SREK1: variants seen among roughly 807,000 people sequenced by gnomAD.
SREK1 encodes splicing regulatory glutamine/lysine-rich protein 1.
SREK1 carries 13 observed loss-of-function variants against 66.5 expected under a neutral mutation model. That is an observed-to-expected ratio of 0.20 (90% CI 0.13 to 0.31). The LOEUF is 0.31. Among genes scored for constraint, SREK1 ranks in the 10% least tolerant of loss-of-function variants. The pLI is 1.00. For missense variants in SREK1, 607 were observed against 769.6 expected (o/e 0.79, Z 2.50); for synonymous variants, 265 against 263.5 (o/e 1.01, Z -0.05).
chr5:66,152,087 C>T (rs1046287887), intron 1 of SREK1, among the ~76,000 whole-genome samples: 17 of 152,090 alleles, frequency 1.1e-4, no homozygotes, highest in East Asian at 1.9e-4. Flanking sequence ...CCTCGTGATC[C>T]GCCCGCCTTC....
intron 5 of SREK1, chr5:66,162,858 G>T: frequency 3.6e-6 from 1 of 275,028 alleles, no homozygotes; most frequent in Non-Finnish European, 6.7e-6. Context: ...AACGGTTGTA[G>T]GTCTTTTTCC....
chr5:66,162,972 AT>A (rs1307515938), intron 5 of SREK1: 1 of 156,738 alleles, frequency 6.4e-6, no homozygotes, highest in Admixed American at 6.5e-5. Flanking sequence ...ACTGTGGTAA[AT>A]TCAAAATCTA....
chr5:66,164,423 C>T, intron 6 of SREK1: 2 of 481,496 alleles, frequency 4.2e-6, no homozygotes, highest in Non-Finnish European at 6.9e-6. Flanking sequence ...AGGTGGTTTA[C>T]ATTTGAGCAG....
At position 66,178,936 on chromosome 5, in the gene SREK1, A is replaced by G; in HGVS notation, c.*68A>G. Reference sequence around the variant, plus strand: ...CAAAGCTTTTAATTCTCTCAACAAGATGTAAACAGGAAAGAAATCTAGTTG... The same window carrying G: ...CAAAGCTTTTAATTCTCTCAACAAGGTGTAAACAGGAAAGAAATCTAGTTG... On this transcript the variant is annotated 3_prime_UTR_variant, in exon 12 of 12. Transcript: ENST00000334121. 2.0e-5 allele frequency: 28 copies of G among 1,425,882 alleles called. No individual in the cohort carries two copies. In the South Asian group the frequency reaches 3.6e-4, roughly 18 times the overall value. The allele number at this position is 1,425,882 out of a possible 1,614,324, so 88.3% of individuals were successfully genotyped here.
At chr5:66,149,471 C>T (rs73109306) in intron 1 of SREK1, among the ~76,000 whole-genome samples, 1,798 of 152,312 alleles carry the variant, frequency 0.012, 36 homozygotes, top group African/African-American at 0.041. Flanking sequence ...AACCAGTTCC[C>T]AGGCTTCTGA....
In SREK1 at chr5:66,182,146, A is replaced by T. The variant is rs535501774; in HGVS notation, c.*3278A>T. 1.9e-3 allele frequency: 287 copies of T among 151,994 alleles called. No individual in the cohort carries two copies. Among genetic ancestry groups the T allele is most frequent in the African/African-American group, 6.3e-3 (263 of 41,456 alleles). The allele number at this position is 151,994 out of a possible 1,614,324, so 9.4% of individuals were successfully genotyped here. ...TATTGTTGAATTAACAATTAAAATG[A>T]ATCCCTTTGGAGGGATGGCATTGAA... On this transcript the variant is annotated 3_prime_UTR_variant, in exon 12 of 12. Coordinates refer to ENST00000334121, the MANE Select transcript of SREK1 (RefSeq NM_001077199.3).
At chr5:66,148,090 A>G (rs1743423666) in intron 1 of SREK1, among the ~76,000 whole-genome samples, 1 of 151,988 alleles carries the variant, frequency 6.6e-6, no homozygotes, top group South Asian at 2.1e-4. Flanking sequence ...TTTGATTGTC[A>G]ACAATGATTA....
intron 9 of SREK1, 31 bp downstream of exon 9, chr5:66,170,978 GA>G: frequency 6.4e-7 from 1 of 1,568,308 alleles, no homozygotes; most frequent in Non-Finnish European, 8.6e-7. Context: ...TTTACAAAGG[GA>G]TTTGCTGATG....
intron 9 of SREK1, among the ~76,000 whole-genome samples, chr5:66,173,144 C>A (rs1300351122): frequency 6.6e-6 from 1 of 152,046 alleles, no homozygotes; most frequent in African/African-American, 2.4e-5. Flanking sequence ...CCAAGAGTTA[C>A]AATTTCTTGT....
intron 2 of SREK1, chr5:66,156,239 C>T: frequency 7.7e-7 from 1 of 1,295,520 alleles, no homozygotes; most frequent in Non-Finnish European, 9.8e-7. Flanking sequence ...AATTTCATTT[C>T]TTTTTCTTTA....
chr5:66,182,821 GCCTTCTAAAGTGCTGA>G lies in SREK1; in HGVS notation c.*3954_*3969del, dbSNP rs1746602377. 1 of 152,090 alleles carries G rather than the reference GCCTTCTAAAGTGCTGA, an allele frequency of 6.6e-6. No homozygotes were observed. The allele number at this position is 152,090 out of a possible 1,614,324, so 9.4% of individuals were successfully genotyped here. A position where few individuals can be genotyped will look rare whatever the true frequency, so the allele number is the denominator to read the frequency against. On this transcript the variant is annotated 3_prime_UTR_variant, in exon 12 of 12. Coordinates refer to ENST00000334121, the MANE Select transcript of SREK1 (RefSeq NM_001077199.3). ...GGGCTCAAACAATCTGTCTGCCTCAGCCTTCTAAAGTGCTGAGATTACAGGTGTGAGGTACTGCACC... is the reference window on the plus strand; with the variant it reads ...GGGCTCAAACAATCTGTCTGCCTCAGGATTACAGGTGTGAGGTACTGCACC...
At chr5:66,172,657 A>G (rs1190968725) in intron 9 of SREK1, among the ~76,000 whole-genome samples, 2 of 152,072 alleles carry the variant, frequency 1.3e-5, no homozygotes, top group Non-Finnish European at 1.5e-5. Context: ...TGGCCTCCCA[A>G]AGTGCTGGGA....
chr5:66,149,222 G>A (rs757998690), intron 1 of SREK1, among the ~76,000 whole-genome samples: 1 of 152,050 alleles, frequency 6.6e-6, no homozygotes. Context: ...GTGTGGTGGT[G>A]TGCACCTGTT....
rs996611342 is a variant in SREK1 at position 66,162,454 on chromosome 5, T to C, written c.617T>C (p.Val206Ala). 1.2e-6 allele frequency: 2 copies of C among 1,614,030 alleles called. No homozygotes were observed. Among genetic ancestry groups the C allele is most frequent in the Non-Finnish European group, 1.7e-6 (2 of 1,179,952 alleles). ...ADQLLEFFKQVGEVKFVRMAG... is the reference protein window; with the variant it reads ...ADQLLEFFKQAGEVKFVRMAG... ...CAACTACTTGAATTTTTTAAACAAG[T>C]TGGAGAAGTGAAGTTTGTGCGGATG... The change falls in exon 5 of 12, where the codon GTT becomes GCT. Residue 206 changes from valine (V) to alanine (A), a missense_variant. By Grantham distance (64) the Val-to-Ala change is moderately conservative. Coordinates refer to ENST00000334121, the MANE Select transcript of SREK1 (RefSeq NM_001077199.3).
chr5:66,170,559 G>A (rs1332654628), intron 8 of SREK1, 26 bp from the exon 9 acceptor site: 1 of 1,571,852 alleles, frequency 6.4e-7, no homozygotes, highest in East Asian at 2.2e-5. Flanking sequence ...TTTTAGTTAT[G>A]AATTTATTTA....
chr5:66,168,566 T>C (rs1745360751), intron 7 of SREK1: 1 of 152,098 alleles, frequency 6.6e-6, no homozygotes, highest in Non-Finnish European at 1.5e-5. Context: ...TTCACTATGT[T>C]TGGCAAGGCT....
chr5:66,164,522 A>T, intron 6 of SREK1: 1 of 1,311,574 alleles, frequency 7.6e-7, no homozygotes, highest in Non-Finnish European at 1.0e-6. Flanking sequence ...CAGGAATTAC[A>T]GACATGTTGT....
In SREK1 at chr5:66,170,487, T is replaced by TA. The variant is rs370132212; in HGVS notation, c.1122-95dup. 5.6e-5 allele frequency: 78 copies of TA among 1,399,192 alleles called. No individual in the cohort carries two copies. The African/African-American group carries it at 8.7e-4, about 16-fold the overall frequency. 86.7% of individuals were successfully genotyped at this position (1,399,192 alleles called of 1,614,324 possible). On this transcript the variant is annotated intron_variant, in intron 8 of 11. Coordinates refer to ENST00000334121, the MANE Select transcript of SREK1 (RefSeq NM_001077199.3). ...TATATGTAAATGTCTGTAGGTACTATAAATTGTCTTGTGTTGGTAATTGTT... is the reference window on the plus strand; with the variant it reads ...TATATGTAAATGTCTGTAGGTACTATAAAATTGTCTTGTGTTGGTAATTGTT...
intron 1 of SREK1, among the ~76,000 whole-genome samples, chr5:66,151,544 G>C (rs572512647): frequency 5.1e-4 from 78 of 152,310 alleles, no homozygotes; most frequent in Middle Eastern, 6.8e-3. Context: ...GGTAAGGAAG[G>C]AGGTTGATGA....
Sources: allele counts gnomAD v4.1 joint callset (sites outside exome capture counted in the v4.1 genomes callset), GRCh38; gene constraint gnomAD v4.1.1; transcripts MANE v1.5; gene names NCBI Gene and HGNC (gene_info 2026-07-23, HGNC 2026-07-21).